The following CAV1 variants were observed in gnomAD, a reference collection of about 807,000 sequenced individuals.
CAV1 encodes the protein caveolin-1.
CAV1 carries 10 observed loss-of-function variants against 16.5 expected under a neutral mutation model. That is an observed-to-expected ratio of 0.61 (90% CI 0.37 to 1.03). The LOEUF (loss-of-function observed/expected upper bound fraction) is 1.03. Among genes scored for constraint, CAV1 ranks in the 50% least tolerant of loss-of-function variants. The pLI, the probability that CAV1 is intolerant of heterozygous loss-of-function variation, is 0.01. For synonymous variants in CAV1, 76 were observed against 85.1 expected (o/e 0.89, Z 0.59); for missense variants, 212 against 232.8 (o/e 0.91, Z 0.58).
chr7:116,525,095 A>G lies in CAV1; in HGVS notation c.30+3A>G, dbSNP rs1361167297. 6.2e-7 allele frequency: 1 copy of G among 1,613,890 alleles called. No individual in the cohort carries two copies. Among genetic ancestry groups the G allele is most frequent in the Non-Finnish European group, 8.5e-7 (1 of 1,180,014 alleles). ...GGGGCAAATACGTAGACTCGGAGGT[A>G]GGCATCCGTGGGGGGGCGCCGGCTC... On this transcript the variant is annotated splice_donor_region_variant and intron_variant, in intron 1 of 2. Coordinates refer to ENST00000341049, the MANE Select transcript of CAV1 (RefSeq NM_001753.5).
At position 116,544,306 on chromosome 7, in the gene CAV1, A is replaced by T. The variant is rs1357100528; in HGVS notation, c.196-14640A>T. 2.0e-5 allele frequency among the ~76,000 whole-genome samples: 3 copies of T among 152,348 alleles called. No homozygotes were observed. The East Asian group carries it at 5.8e-4, about 29-fold the overall frequency. On this transcript the variant is annotated intron_variant, in intron 2 of 2. Coordinates refer to ENST00000341049, the MANE Select transcript of CAV1 (RefSeq NM_001753.5). ...TCTCCTTTCCCTGGGAGATTTTATC[A>T]GGTTAGTGTTCTTGTAAACAGGAGA...
At chr7:116,552,293 T>A (rs1794179623) in intron 2 of CAV1, among the ~76,000 whole-genome samples, 1 of 152,212 alleles carries the variant, frequency 6.6e-6, no homozygotes, top group Non-Finnish European at 1.5e-5. Context: ...AAAACTTGTA[T>A]CAATGTAAAG....
chr7:116,550,537 C>T (rs1029324757), intron 2 of CAV1, among the ~76,000 whole-genome samples: 1 of 152,134 alleles, frequency 6.6e-6, no homozygotes, highest in Non-Finnish European at 1.5e-5. Flanking sequence ...TGAGAAAACA[C>T]ATGGGCAATT....
At position 116,558,915 on chromosome 7, in the gene CAV1, G is replaced by C. The variant is rs371753707; in HGVS notation, c.196-31G>C. ...TTTTTTTTCTCTTTTCTTCTATTCT[G>C]TGCTCATGTTGTGTCACTTCTTCCT... is the stretch of plus-strand genomic sequence containing the variant. On this transcript the variant is annotated intron_variant, in intron 2 of 2. Coordinates refer to ENST00000341049, the MANE Select transcript of CAV1 (RefSeq NM_001753.5). 338 of 1,497,026 alleles carry C rather than the reference G, an allele frequency of 2.3e-4. 2 individuals are homozygous for C. Among genetic ancestry groups the C allele is most frequent in the Non-Finnish European group, 2.2e-4 (241 of 1,075,914 alleles). 92.7% of individuals were successfully genotyped at this position (1,497,026 alleles called of 1,614,324 possible). A position where few individuals can be genotyped will look rare whatever the true frequency, so the allele number is the denominator to read the frequency against.
chr7:116,525,102 C>A lies in CAV1; in HGVS notation c.30+10C>A. The A allele has an allele frequency of 6.2e-7, 1 of 1,613,844 alleles. No homozygotes were observed. Among genetic ancestry groups the A allele is most frequent in the Non-Finnish European group, 8.5e-7 (1 of 1,180,020 alleles). On this transcript the variant is annotated intron_variant, in intron 1 of 2. Transcript: ENST00000341049. Reference sequence around the variant, plus strand: ...ATACGTAGACTCGGAGGTAGGCATCCGTGGGGGGGCGCCGGCTCGGGCGTG... The same window carrying A: ...ATACGTAGACTCGGAGGTAGGCATCAGTGGGGGGGCGCCGGCTCGGGCGTG...
intron 2 of CAV1, among the ~76,000 whole-genome samples, chr7:116,555,913 C>T (rs113494080): frequency 1.3e-5 from 2 of 152,160 alleles, no homozygotes; most frequent in African/African-American, 4.8e-5. Flanking sequence ...TTCAGTTGCA[C>T]CTAATTGGCT....
At chr7:116,534,770 G>A (rs1242399146) in intron 2 of CAV1, among the ~76,000 whole-genome samples, 3 of 151,998 alleles carry the variant, frequency 2.0e-5, no homozygotes, top group Non-Finnish European at 4.4e-5. Flanking sequence ...TCAAATGATC[G>A]TTCTTCAAAT....
intron 2 of CAV1, among the ~76,000 whole-genome samples, chr7:116,558,011 G>C (rs1291183729): frequency 6.6e-6 from 1 of 151,964 alleles, no homozygotes; most frequent in African/African-American, 2.4e-5. Flanking sequence ...TTGTTCCTGG[G>C]GCTTTGACAC....
At chr7:116,547,545 G>A (rs1272455312) in intron 2 of CAV1, among the ~76,000 whole-genome samples, 2 of 152,206 alleles carry the variant, frequency 1.3e-5, no homozygotes, top group Non-Finnish European at 2.9e-5. Flanking sequence ...TTTGGTCACT[G>A]TGTGCCTCAT....
intron 2 of CAV1, among the ~76,000 whole-genome samples, chr7:116,554,654 C>T (rs1794226244): frequency 6.6e-6 from 1 of 152,014 alleles, no homozygotes; most frequent in Admixed American, 6.6e-5. Flanking sequence ...GCTGGGTGCC[C>T]AGGATTGTGA....
chr7:116,546,085 T>C (rs1794040291), intron 2 of CAV1, among the ~76,000 whole-genome samples: 1 of 152,214 alleles, frequency 6.6e-6, no homozygotes, highest in South Asian at 2.1e-4. Flanking sequence ...TCAAGTTCGC[T>C]AACTAATCAC....
chr7:116,540,344 T>A (rs995531989), intron 2 of CAV1, among the ~76,000 whole-genome samples: 2 of 152,202 alleles, frequency 1.3e-5, no homozygotes, highest in South Asian at 2.1e-4. Flanking sequence ...TTTTCCCAGA[T>A]ATGTTTCCTT....
In CAV1 at chr7:116,559,363, T is replaced by C; in HGVS notation, c.*76T>C. On this transcript the variant is annotated 3_prime_UTR_variant, in exon 3 of 3. Transcript: ENST00000341049. ...CCTGGTGCCAATTTCAAGTTCCAAG[T>C]TGCTAATACAGCAACAATTTATGAA... 1.0e-6 allele frequency: 1 copy of C among 994,404 alleles called. No homozygotes were observed. 61.6% of individuals were successfully genotyped at this position (994,404 alleles called of 1,614,324 possible). A position where few individuals can be genotyped will look rare whatever the true frequency, so the allele number is the denominator to read the frequency against.
At chr7:116,552,434 C>T (rs551253015) in intron 2 of CAV1, among the ~76,000 whole-genome samples, 1 of 152,222 alleles carries the variant, frequency 6.6e-6, no homozygotes, top group African/African-American at 2.4e-5. Flanking sequence ...ACTATGCAAG[C>T]CAACAGGAAA....
At chr7:116,552,851 T>C (rs1794190860) in intron 2 of CAV1, among the ~76,000 whole-genome samples, 1 of 152,128 alleles carries the variant, frequency 6.6e-6, no homozygotes, top group South Asian at 2.1e-4. Context: ...TCATGGCAAG[T>C]CTAAACCAAC....
intron 2 of CAV1, among the ~76,000 whole-genome samples, chr7:116,549,656 G>C (rs920159758): frequency 1.3e-5 from 2 of 152,078 alleles, no homozygotes; most frequent in African/African-American, 4.8e-5. Context: ...ATGTATCAAA[G>C]TGTGCTTGTA....
At chr7:116,557,102 A>G (rs113885649) in intron 2 of CAV1, among the ~76,000 whole-genome samples, 303 of 152,308 alleles carry the variant, frequency 2.0e-3, no homozygotes, top group African/African-American at 6.4e-3. Context: ...ACACACAACT[A>G]AATGTTTACC....
rs905604570 is a variant in CAV1 at position 116,525,347 on chromosome 7, G to T, written c.30+255G>T. ...AGGAGGACACGGAAAAGGGGATTGG[G>T]GTCCTGAGATTGGGTCTGTTGGGCC... On this transcript the variant is annotated intron_variant, in intron 1 of 2. Transcript: ENST00000341049. 9 of 1,544,408 alleles carry T rather than the reference G, an allele frequency of 5.8e-6. No individual in the cohort carries two copies. In the Admixed American group the frequency reaches 1.6e-4, roughly 27 times the overall value.
At chr7:116,549,193 TC>T (rs1365921211) in intron 2 of CAV1, among the ~76,000 whole-genome samples, 3 of 152,200 alleles carry the variant, frequency 2.0e-5, no homozygotes, top group Non-Finnish European at 4.4e-5. Context: ...TTGTCGCCTG[TC>T]CCTTCCCCAG....
Sources: allele counts gnomAD v4.1 joint callset (sites outside exome capture counted in the v4.1 genomes callset), GRCh38; gene constraint gnomAD v4.1.1; transcripts MANE v1.5; gene names NCBI Gene and HGNC (gene_info 2026-07-23, HGNC 2026-07-21).